The following ENTREP2 variants were observed in gnomAD, a reference collection of about 807,000 sequenced individuals.
ENTREP2 encodes protein ENTREP2.
chr15:29,635,045 G>A, the ENTREP2 span, among the ~76,000 whole-genome samples: 3 of 152,144 alleles, frequency 2.0e-5, no homozygotes, highest in South Asian at 2.1e-4. Context: ...GGGTTTCACC[G>A]TGTTAGCCAG....
the ENTREP2 span, among the ~76,000 whole-genome samples, chr15:29,207,455 C>CGGGGGGGGGGGG: frequency 8.9e-5 from 11 of 122,958 alleles, no homozygotes; most frequent in Non-Finnish European, 1.2e-4. Flanking sequence ...GGTTGGGGGG[C>CGGGGGGGGGGGG]GGGGGGGGTG....
At chr15:29,257,443 T>C in the ENTREP2 span, among the ~76,000 whole-genome samples, 1 of 152,192 alleles carries the variant, frequency 6.6e-6, no homozygotes, top group Non-Finnish European at 1.5e-5. Flanking sequence ...TGCTATTTAT[T>C]ATAAGTAGTG....
chr15:29,536,567 G>A, the ENTREP2 span, among the ~76,000 whole-genome samples: 1 of 147,346 alleles, frequency 6.8e-6, no homozygotes, highest in Non-Finnish European at 1.5e-5. Flanking sequence ...TAGTGCCACT[G>A]CACTCCAGCC....
chr15:29,366,568 G>A, the ENTREP2 span, among the ~76,000 whole-genome samples: 1 of 152,078 alleles, frequency 6.6e-6, no homozygotes, highest in Non-Finnish European at 1.5e-5. Context: ...AGTTTCCCTT[G>A]TGCTTCCCTG....
chr15:29,595,303 A>G, the ENTREP2 span, among the ~76,000 whole-genome samples: 2 of 152,118 alleles, frequency 1.3e-5, no homozygotes, highest in Admixed American at 6.6e-5. Flanking sequence ...TAGGGTAGCT[A>G]TAGAATTACA....
At chr15:29,402,540 G>A in the ENTREP2 span, among the ~76,000 whole-genome samples, 1 of 152,060 alleles carries the variant, frequency 6.6e-6, no homozygotes. Flanking sequence ...CGAACTCCTG[G>A]CTCAAGTGAT....
chr15:29,492,793 C>G, the ENTREP2 span, among the ~76,000 whole-genome samples: 7,302 of 152,070 alleles, frequency 0.048, 551 homozygotes, highest in African/African-American at 0.17. Flanking sequence ...CACCTGAGGT[C>G]AGGAGTTCGA....
the ENTREP2 span, among the ~76,000 whole-genome samples, chr15:29,648,190 C>A: frequency 6.6e-6 from 1 of 152,198 alleles, no homozygotes; most frequent in Non-Finnish European, 1.5e-5. Context: ...AGCTCAACAA[C>A]ATGGGAAGTA....
the ENTREP2 span, among the ~76,000 whole-genome samples, chr15:29,405,061 A>G: frequency 1.3e-5 from 2 of 152,074 alleles, no homozygotes; most frequent in Middle Eastern, 3.2e-3. Flanking sequence ...GGTCACTTCT[A>G]ACCTGTTTTC....
the ENTREP2 span, among the ~76,000 whole-genome samples, chr15:29,203,000 C>G: frequency 2.0e-5 from 3 of 152,180 alleles, no homozygotes; most frequent in African/African-American, 7.2e-5. Context: ...GGTATACACC[C>G]AGTAATGGGA....
chr15:29,561,604 C>T, the ENTREP2 span, among the ~76,000 whole-genome samples: 4 of 152,054 alleles, frequency 2.6e-5, no homozygotes, highest in African/African-American at 7.2e-5. Flanking sequence ...AGGAGAATGG[C>T]GTGAACCCAG....
the ENTREP2 span, among the ~76,000 whole-genome samples, chr15:29,471,636 C>T: frequency 1.3e-5 from 2 of 152,140 alleles, no homozygotes; most frequent in Non-Finnish European, 2.9e-5. Flanking sequence ...AGCACGGGGG[C>T]CAAGGGCCAC....
At chr15:29,382,126 T>A in the ENTREP2 span, among the ~76,000 whole-genome samples, 1 of 152,006 alleles carries the variant, frequency 6.6e-6, no homozygotes, top group Non-Finnish European at 1.5e-5. Flanking sequence ...TTGGCTGTGC[T>A]AGGCACACGC....
chr15:29,196,673 G>C, the ENTREP2 span: 1 of 1,267,518 alleles, frequency 7.9e-7, no homozygotes, highest in Admixed American at 2.4e-5. Flanking sequence ...GTTCAAAGGA[G>C]CCTGTTTCAG....
chr15:29,442,136 GCA>G, the ENTREP2 span, among the ~76,000 whole-genome samples: 1 of 152,192 alleles, frequency 6.6e-6, no homozygotes, highest in Non-Finnish European at 1.5e-5. Context: ...GGAAGCGTTT[GCA>G]CACAGTGACC....
chr15:29,181,318 C>T, the ENTREP2 span, among the ~76,000 whole-genome samples: 2 of 152,052 alleles, frequency 1.3e-5, no homozygotes, highest in Admixed American at 1.3e-4. Context: ...TAACTTTTAC[C>T]AAACATTCAA....
At chr15:29,454,250 A>G in the ENTREP2 span, among the ~76,000 whole-genome samples, 1 of 152,238 alleles carries the variant, frequency 6.6e-6, no homozygotes, top group East Asian at 1.9e-4. Context: ...TGACTTGCCA[A>G]CTAGAGTCCA....
chr15:29,548,364 G>A, the ENTREP2 span, among the ~76,000 whole-genome samples: 6 of 150,444 alleles, frequency 4.0e-5, no homozygotes, highest in East Asian at 2.0e-4. Flanking sequence ...GCTGAGACAC[G>A]AGAATTGCTT....
the ENTREP2 span, chr15:29,609,838 G>C: frequency 1.3e-5 from 2 of 150,478 alleles, no homozygotes; most frequent in South Asian, 2.1e-4. Flanking sequence ...TATGAACACA[G>C]TAGGTGCTCA....
Sources: gnomAD v4.1 joint callset for allele counts (sites outside exome capture counted in the v4.1 genomes callset) on GRCh38, gnomAD v4.1.1 for gene constraint, MANE v1.5 for transcripts, NCBI Gene and HGNC (gene_info 2026-07-23, HGNC 2026-07-21) for gene names.